GALNTL6: variants seen among roughly 807,000 people sequenced by gnomAD.
GALNTL6 encodes polypeptide N-acetylgalactosaminyltransferase like 6.
In GALNTL6, 46 loss-of-function variants were observed where a neutral mutation model predicts 73.7. The observed-to-expected ratio is 0.62, with a 90% CI of 0.49 to 0.80. The LOEUF is 0.80. Ranked by LOEUF, GALNTL6 falls within the 30% of genes least tolerant of loss-of-function variation. GALNTL6 has a pLI of 0.00. For missense variants in GALNTL6, 604 were observed against 755.0 expected, an observed-to-expected ratio of 0.80 and a Z score of 2.34; for synonymous variants, 259 against 263.7, an observed-to-expected ratio of 0.98 and a Z score of 0.17.
chr4:172,716,812 C>A (rs995273178), intron 5 of GALNTL6, among the ~76,000 whole-genome samples: 1 of 152,168 alleles, frequency 6.6e-6, no homozygotes, highest in African/African-American at 2.4e-5. Context: ...AGTCTAAGTC[C>A]GCCTAAGTCT....
At chr4:172,649,170 T>C (rs199888995) in intron 5 of GALNTL6, among the ~76,000 whole-genome samples, 1 of 152,198 alleles carries the variant, frequency 6.6e-6, no homozygotes, top group East Asian at 1.9e-4. Flanking sequence ...TTTTTTTATA[T>C]ATTACGAGTC....
chr4:172,892,167 G>A (rs866023128), intron 8 of GALNTL6, among the ~76,000 whole-genome samples: 2 of 152,192 alleles, frequency 1.3e-5, no homozygotes, highest in Admixed American at 1.3e-4. Flanking sequence ...AATGTGGTTA[G>A]GATCCATTGC....
chr4:172,040,043 A>T lies in GALNTL6; in HGVS notation c.139-189613A>T, dbSNP rs192736922. ...GTCCTATGGAAAACATATGCTTATG[A>T]AATAGTAATTTCATCAATTATAGTG... On this transcript the variant is annotated intron_variant, in intron 2 of 12. Coordinates refer to ENST00000506823, the MANE Select transcript of GALNTL6 (RefSeq NM_001034845.3). Among the ~76,000 whole-genome samples the T allele has an allele frequency of 6.0e-3, 910 of 152,282 alleles. 6 individuals are homozygous for T. Among genetic ancestry groups the T allele is most frequent in the African/African-American group, 0.021 (862 of 41,562 alleles).
At chr4:172,434,410 G>A (rs1052667839) in intron 5 of GALNTL6, among the ~76,000 whole-genome samples, 5 of 152,034 alleles carry the variant, frequency 3.3e-5, no homozygotes, top group African/African-American at 1.2e-4. Flanking sequence ...GTATATTTAT[G>A]CTGTAATTAA....
chr4:172,645,684 TGAC>T (rs1400781377), intron 5 of GALNTL6, among the ~76,000 whole-genome samples: 1 of 151,906 alleles, frequency 6.6e-6, no homozygotes, highest in Non-Finnish European at 1.5e-5. Flanking sequence ...GTGTTTTACA[TGAC>T]ATGGAATTCT....
intron 5 of GALNTL6, among the ~76,000 whole-genome samples, chr4:172,552,229 CCA>C (rs1020693889): frequency 5.1e-4 from 77 of 152,124 alleles, no homozygotes; most frequent in African/African-American, 1.9e-3. Flanking sequence ...CCACCAACGC[CCA>C]GTTACATCTT....
At chr4:172,724,760 TGG>T (rs898614831) in intron 5 of GALNTL6, among the ~76,000 whole-genome samples, 1 of 152,002 alleles carries the variant, frequency 6.6e-6, no homozygotes, top group African/African-American at 2.4e-5. Flanking sequence ...ACCCAAAGTT[TGG>T]GGAAAAAATA....
chr4:172,302,154 A>G (rs1305435223), intron 3 of GALNTL6, among the ~76,000 whole-genome samples: 1 of 152,160 alleles, frequency 6.6e-6, no homozygotes, highest in Non-Finnish European at 1.5e-5. Context: ...CTGTGGGCGT[A>G]GGACCCTCCG....
chr4:172,309,413 A>G (rs1355910369), intron 3 of GALNTL6, among the ~76,000 whole-genome samples: 1 of 53,448 alleles, frequency 1.9e-5, no homozygotes, highest in Non-Finnish European at 5.7e-5. Flanking sequence ...AAAGATTTTT[A>G]AAAAGTGTTT....
intron 5 of GALNTL6, among the ~76,000 whole-genome samples, chr4:172,458,220 A>G (rs993310848): frequency 1.3e-5 from 2 of 152,026 alleles, no homozygotes; most frequent in Non-Finnish European, 2.9e-5. Flanking sequence ...CATTTAAAGC[A>G]GTGTGTAGAA....
intron 2 of GALNTL6, among the ~76,000 whole-genome samples, chr4:172,018,464 G>A (rs1309195732): frequency 3.8e-4 from 58 of 152,004 alleles, no homozygotes; most frequent in Admixed American, 3.7e-3. Context: ...CCTCTGCTGT[G>A]CAGTATAGTT....
At chr4:172,744,063 G>C (rs560465776) in intron 5 of GALNTL6, among the ~76,000 whole-genome samples, 1 of 152,212 alleles carries the variant, frequency 6.6e-6, no homozygotes, top group South Asian at 2.1e-4. Context: ...CTGTAATCAT[G>C]ATCCTGAATT....
At chr4:171,983,426 A>T (rs925056802) in intron 2 of GALNTL6, among the ~76,000 whole-genome samples, 2 of 152,112 alleles carry the variant, frequency 1.3e-5, no homozygotes, top group African/African-American at 4.8e-5. Flanking sequence ...ATGTGGAAGG[A>T]TGCTCTGCAG....
At chr4:172,490,771 G>A (rs991417669) in intron 5 of GALNTL6, among the ~76,000 whole-genome samples, 4 of 152,138 alleles carry the variant, frequency 2.6e-5, no homozygotes, top group African/African-American at 9.7e-5. Flanking sequence ...AGGCCTGAGA[G>A]TTCAATGTCT....
chr4:172,382,251 G>T (rs576871264), intron 5 of GALNTL6, among the ~76,000 whole-genome samples: 5 of 151,234 alleles, frequency 3.3e-5, no homozygotes, highest in Non-Finnish European at 7.4e-5. Flanking sequence ...TTACAAGAGT[G>T]AGCCACCACG....
chr4:172,685,783 T>C (rs1732883365), intron 5 of GALNTL6, among the ~76,000 whole-genome samples: 1 of 152,148 alleles, frequency 6.6e-6, no homozygotes, highest in South Asian at 2.1e-4. Flanking sequence ...AAAATATCCC[T>C]ATTGTTTTCA....
intron 5 of GALNTL6, among the ~76,000 whole-genome samples, chr4:172,645,260 G>GA (rs552986278): frequency 2.6e-5 from 4 of 151,078 alleles, no homozygotes; most frequent in African/African-American, 4.9e-5. Context: ...CTGTATTTAA[G>GA]AAAAAAAATC....
intron 10 of GALNTL6, 26 bp from the exon 11 acceptor site, chr4:173,009,152 C>T (rs779998664): frequency 2.7e-6 from 4 of 1,505,828 alleles, no homozygotes; most frequent in Admixed American, 3.3e-5. Flanking sequence ...TAGCCCCACA[C>T]TCAAAATTCT....
intron 2 of GALNTL6, among the ~76,000 whole-genome samples, chr4:172,148,724 C>T (rs897330631): frequency 3.9e-5 from 6 of 152,122 alleles, no homozygotes; most frequent in African/African-American, 1.2e-4. Flanking sequence ...GCTGCCAGCT[C>T]GAAGTGCTCT....
Sources: allele counts gnomAD v4.1 joint callset (sites outside exome capture counted in the v4.1 genomes callset), GRCh38; gene constraint gnomAD v4.1.1; transcripts MANE v1.5; gene names NCBI Gene and HGNC (gene_info 2026-07-23, HGNC 2026-07-21).